Variants in LRRTM4 observed in about 807,000 individuals in gnomAD.
LRRTM4 encodes leucine rich repeat transmembrane neuronal 4.
LRRTM4 carries 25 observed loss-of-function variants against 47.6 expected under a neutral mutation model. The ratio of observed to expected loss-of-function variants is 0.53; its 90% confidence interval spans 0.38 to 0.73. LRRTM4 has a LOEUF of 0.73. LRRTM4 is among the 30% of genes least tolerant of loss of function. LRRTM4 has a pLI of 0.00. For missense variants in LRRTM4, 638 were observed against 713.4 expected, an observed-to-expected ratio of 0.89 and a Z score of 1.20; for synonymous variants, 311 against 269.5, an observed-to-expected ratio of 1.15 and a Z score of -1.51.
chr2:76,837,848 A>T lies in LRRTM4; in HGVS notation c.1552-88932T>A, dbSNP rs190205956. On this transcript the variant is annotated intron_variant, in intron 3 of 3. Coordinates refer to ENST00000409884, the MANE Select transcript of LRRTM4 (RefSeq NM_001134745.3). ...AACTATTGCAAGGACAAAAAACCAAACACCGCACGTTCTCACTCATAGATG... is the reference window on the plus strand; with the variant it reads ...AACTATTGCAAGGACAAAAAACCAATCACCGCACGTTCTCACTCATAGATG... 2.4e-3 allele frequency among the ~76,000 whole-genome samples: 358 copies of T among 151,006 alleles called. 6 individuals carry two copies. Among genetic ancestry groups the T allele is most frequent in the African/African-American group, 8.4e-3 (345 of 41,258 alleles).
intron 3 of LRRTM4, among the ~76,000 whole-genome samples, chr2:76,876,647 C>A (rs1672787745): frequency 6.6e-6 from 1 of 151,942 alleles, no homozygotes; most frequent in South Asian, 2.1e-4. Context: ...CTACTTCTTT[C>A]TTGCTTCTTC....
intron 3 of LRRTM4, chr2:76,773,143 C>T (rs550388747): frequency 2.0e-5 from 3 of 152,348 alleles, no homozygotes; most frequent in Admixed American, 2.0e-4. Flanking sequence ...GGAGACATCT[C>T]TTTGAAATGT....
rs1444206415 is a variant in LRRTM4 at position 77,500,284 on chromosome 2, A to C, written c.1551+18034T>G. Among the ~76,000 whole-genome samples the C allele has an allele frequency of 2.6e-5, 4 of 151,766 alleles. No individual in the cohort carries two copies. In the Admixed American group the frequency reaches 2.6e-4, roughly 10 times the overall value. On this transcript the variant is annotated intron_variant, in intron 3 of 3. Transcript: ENST00000409884. ...TCCTAATTAATCAACATCATTTCAGAAGTTTGATTTAAAAAAATGTGAATT... is the reference window on the plus strand; with the variant it reads ...TCCTAATTAATCAACATCATTTCAGCAGTTTGATTTAAAAAAATGTGAATT...
intron 3 of LRRTM4, among the ~76,000 whole-genome samples, chr2:77,438,347 A>T (rs577288561): frequency 9.2e-5 from 14 of 151,856 alleles, no homozygotes; most frequent in African/African-American, 3.4e-4. Context: ...GTGTGTCTCA[A>T]ATAGGTTGGA....
At chr2:76,802,659 T>C (rs1337957406) in intron 3 of LRRTM4, among the ~76,000 whole-genome samples, 1 of 152,046 alleles carries the variant, frequency 6.6e-6, no homozygotes, top group African/African-American at 2.4e-5. Context: ...CAAAATATCT[T>C]GGTCCAAAAG....
At chr2:77,288,430 G>T (rs1676723384) in intron 3 of LRRTM4, among the ~76,000 whole-genome samples, 1 of 151,794 alleles carries the variant, frequency 6.6e-6, no homozygotes, top group South Asian at 2.1e-4. Flanking sequence ...TATCTGAAAA[G>T]CTGATCTTTC....
intron 3 of LRRTM4, among the ~76,000 whole-genome samples, chr2:76,821,282 A>G (rs1671046497): frequency 6.6e-6 from 1 of 151,658 alleles, no homozygotes. Flanking sequence ...CCTAGCTTCA[A>G]CAACTTGAGA....
chr2:77,430,697 G>A (rs1338175431), intron 3 of LRRTM4, among the ~76,000 whole-genome samples: 1 of 143,098 alleles, frequency 7.0e-6, no homozygotes, highest in African/African-American at 2.9e-5. Context: ...CTCCAGCCTG[G>A]GCAACAAGAG....
intron 3 of LRRTM4, among the ~76,000 whole-genome samples, chr2:77,275,938 G>T (rs1179892050): frequency 6.6e-6 from 1 of 151,984 alleles, no homozygotes; most frequent in Admixed American, 6.6e-5. Context: ...CAATTAAGAT[G>T]ACAATCCCTT....
chr2:77,070,778 G>A (rs370354437), intron 3 of LRRTM4, among the ~76,000 whole-genome samples: 25 of 152,060 alleles, frequency 1.6e-4, no homozygotes, highest in African/African-American at 5.8e-4. Context: ...CTACAGGCAC[G>A]CACTACCATG....
chr2:77,428,823 G>C (rs544266290), intron 3 of LRRTM4, among the ~76,000 whole-genome samples: 22 of 152,262 alleles, frequency 1.4e-4, no homozygotes, highest in African/African-American at 5.1e-4. Flanking sequence ...ATTGCCTTGT[G>C]ATTAAGTAGA....
At chr2:77,340,369 A>G (rs1573279847) in intron 3 of LRRTM4, among the ~76,000 whole-genome samples, 1 of 151,954 alleles carries the variant, frequency 6.6e-6, no homozygotes, top group Admixed American at 6.6e-5. Context: ...AAATTGGCAT[A>G]ATAATAGAAT....
intron 3 of LRRTM4, among the ~76,000 whole-genome samples, chr2:77,324,631 G>A (rs895800130): frequency 6.6e-6 from 1 of 152,138 alleles, no homozygotes; most frequent in Non-Finnish European, 1.5e-5. Context: ...AATAGAGTGA[G>A]GTATGGAATT....
chr2:77,243,060 T>C lies in LRRTM4; in HGVS notation c.1551+275258A>G, dbSNP rs190741694. 3.6e-3 allele frequency among the ~76,000 whole-genome samples: 546 copies of C among 152,254 alleles called. 2 individuals carry two copies. Among genetic ancestry groups the C allele is most frequent in the Middle Eastern group, 6.8e-3 (2 of 294 alleles). The stretch of plus-strand genomic sequence containing the variant: ...TCAATATTAAAAAAATTCTAACACA[T>C]GCTACAACATGGATTAACCTTGAGG... On this transcript the variant is annotated intron_variant, in intron 3 of 3. Coordinates refer to ENST00000409884, the MANE Select transcript of LRRTM4 (RefSeq NM_001134745.3).
intron 3 of LRRTM4, among the ~76,000 whole-genome samples, chr2:77,169,773 T>C (rs1672992916): frequency 6.6e-6 from 1 of 152,200 alleles, no homozygotes; most frequent in Non-Finnish European, 1.5e-5. Flanking sequence ...TCTCTGTTCA[T>C]TAAAAATTAC....
chr2:76,999,711 C>G (rs1216081186), intron 3 of LRRTM4, among the ~76,000 whole-genome samples: 1 of 151,944 alleles, frequency 6.6e-6, no homozygotes, highest in African/African-American at 2.4e-5. Flanking sequence ...TTTTCTTCAC[C>G]CAGATAATAG....
intron 3 of LRRTM4, among the ~76,000 whole-genome samples, chr2:76,937,727 G>A (rs913269203): frequency 6.6e-6 from 1 of 151,880 alleles, no homozygotes. Context: ...CCACCACACC[G>A]GGCTAATTTT....
intron 3 of LRRTM4, among the ~76,000 whole-genome samples, chr2:77,137,344 T>C (rs1018699527): frequency 1.3e-5 from 2 of 151,874 alleles, no homozygotes; most frequent in African/African-American, 4.9e-5. Context: ...AAAACAATTT[T>C]CAACCCAGAA....
chr2:77,156,467 A>G (rs1338325739), intron 3 of LRRTM4, among the ~76,000 whole-genome samples: 3 of 152,094 alleles, frequency 2.0e-5, no homozygotes, highest in Admixed American at 2.0e-4. Flanking sequence ...AATTGGGATG[A>G]AAATGAAAAA....
Sources: gnomAD v4.1 joint callset for allele counts (sites outside exome capture counted in the v4.1 genomes callset) on GRCh38, gnomAD v4.1.1 for gene constraint, MANE v1.5 for transcripts, NCBI Gene and HGNC (gene_info 2026-07-23, HGNC 2026-07-21) for gene names.